SPATA6: variants seen among roughly 807,000 people sequenced by gnomAD.
The protein encoded by SPATA6 is spermatogenesis-associated protein 6.
Under a neutral mutation model 65.3 loss-of-function variants are expected in SPATA6, and 56 were observed. That is an observed-to-expected ratio of 0.86 (90% confidence interval 0.69 to 1.07). The LOEUF is 1.07. Among genes scored for constraint, SPATA6 ranks in the 50% least tolerant of loss-of-function variants. The pLI is 0.00. For synonymous variants in SPATA6, 199 were observed against 213.2 expected (o/e 0.93, Z 0.58); for missense variants, 590 against 594.8 (o/e 0.99, Z 0.08).
intron 3 of SPATA6, among the ~76,000 whole-genome samples, chr1:48,441,649 C>T (rs1205171000): frequency 3.3e-5 from 5 of 151,920 alleles, no homozygotes; most frequent in Non-Finnish European, 7.4e-5. Flanking sequence ...TTACACGTCA[C>T]AGAGAGGGCA....
At chr1:48,301,183 T>G (rs1448212824) in intron 12 of SPATA6, among the ~76,000 whole-genome samples, 1 of 151,928 alleles carries the variant, frequency 6.6e-6, no homozygotes, top group African/African-American at 2.4e-5. Flanking sequence ...ACACATTTAG[T>G]AAGGTTGCAA....
downstream of SPATA6, among the ~76,000 whole-genome samples, chr1:48,291,884 C>T (rs1022595135): frequency 6.6e-6 from 1 of 152,178 alleles, no homozygotes; most frequent in African/African-American, 2.4e-5. Context: ...TCCTAGCCAC[C>T]ATTTTCCCCC....
the SPATA6 span, among the ~76,000 whole-genome samples, chr1:48,277,050 T>C: frequency 9.3e-5 from 14 of 150,164 alleles, no homozygotes; most frequent in African/African-American, 2.9e-4. Context: ...TTAACTCTTC[T>C]TGTTGCATTG....
the SPATA6 span, among the ~76,000 whole-genome samples, chr1:48,282,864 C>T: frequency 7.9e-5 from 12 of 152,110 alleles, no homozygotes; most frequent in Non-Finnish European, 1.5e-4. Flanking sequence ...AATCATGCTG[C>T]TATAAAGACA....
At chr1:48,431,371 TAAGA>T (rs1654388031) in intron 3 of SPATA6, among the ~76,000 whole-genome samples, 1 of 151,942 alleles carries the variant, frequency 6.6e-6, no homozygotes, top group Non-Finnish European at 1.5e-5. Context: ...ACACAGAAGT[TAAGA>T]AAGAAAACAG....
At chr1:48,415,709 T>G (rs140523282) in intron 3 of SPATA6, among the ~76,000 whole-genome samples, 229 of 139,186 alleles carry the variant, frequency 1.6e-3, no homozygotes, top group Non-Finnish European at 2.8e-3. Flanking sequence ...TAAATACACG[T>G]GATGAGAATA....
chr1:48,306,753 A>C (rs993944835), intron 11 of SPATA6, among the ~76,000 whole-genome samples: 1 of 151,954 alleles, frequency 6.6e-6, no homozygotes, highest in Non-Finnish European at 1.5e-5. Flanking sequence ...AAATTTGCTG[A>C]TGGCATGAAA....
intron 3 of SPATA6, among the ~76,000 whole-genome samples, chr1:48,441,280 G>A: frequency 6.6e-6 from 1 of 152,192 alleles, no homozygotes; most frequent in East Asian, 1.9e-4. Context: ...ACTTCCTGCT[G>A]GACACTGGCA....
chr1:48,366,391 C>A (rs530745153), intron 9 of SPATA6, among the ~76,000 whole-genome samples: 6 of 152,242 alleles, frequency 3.9e-5, no homozygotes, highest in African/African-American at 1.4e-4. Flanking sequence ...CCTCCTTGTA[C>A]CTCTGGTAGA....
At chr1:48,282,246 G>A in the SPATA6 span, among the ~76,000 whole-genome samples, 2 of 152,100 alleles carry the variant, frequency 1.3e-5, no homozygotes, top group Non-Finnish European at 2.9e-5. Context: ...AGAAAACCTA[G>A]GCATTACCAT....
At chr1:48,425,798 A>AT (rs1430393676) in intron 3 of SPATA6, among the ~76,000 whole-genome samples, 2 of 152,164 alleles carry the variant, frequency 1.3e-5, no homozygotes, top group African/African-American at 4.8e-5. Context: ...TTTATACTAT[A>AT]TATAAAAATT....
intron 10 of SPATA6, among the ~76,000 whole-genome samples, chr1:48,356,055 T>A (rs1646651011): frequency 1.3e-5 from 2 of 152,070 alleles, no homozygotes; most frequent in African/African-American, 4.8e-5. Context: ...TGTGAAAAAA[T>A]TCCTTTCTGC....
chr1:48,285,521 G>A, the SPATA6 span, among the ~76,000 whole-genome samples: 1 of 150,342 alleles, frequency 6.7e-6, no homozygotes, highest in Non-Finnish European at 1.5e-5. Context: ...CTCGGTGTCT[G>A]CCCAAATGGC....
chr1:48,457,695 A>G (rs780371812), intron 1 of SPATA6, among the ~76,000 whole-genome samples: 17 of 152,180 alleles, frequency 1.1e-4, no homozygotes, highest in Non-Finnish European at 2.5e-4. Context: ...TTCCCAAATA[A>G]ACAAATGAGA....
chr1:48,313,327 C>T (rs1367185186), intron 11 of SPATA6, among the ~76,000 whole-genome samples: 1 of 152,198 alleles, frequency 6.6e-6, no homozygotes, highest in South Asian at 2.1e-4. Context: ...GGAGGCCCAT[C>T]AGACTAACAG....
In SPATA6 at chr1:48,451,551, C is replaced by A. The variant is rs764237312; in HGVS notation, c.238+1G>T. 1.9e-6 allele frequency: 3 copies of A among 1,608,024 alleles called. No individual in the cohort carries two copies. The highest frequency in any genetic ancestry group is 2.5e-6 in the Non-Finnish European group (3 of 1,177,634). On this transcript the variant is annotated splice_donor_variant, in intron 3 of 12. Transcript: ENST00000371847. LOFTEE classifies it high-confidence loss of function. ...AGGAATTAAAAAGTTAAAAAACTTA[C>A]ATTCAAGCTGTGTAACCACATCTCC...
chr1:48,388,760 G>A (rs1348358338), intron 8 of SPATA6, among the ~76,000 whole-genome samples: 1 of 151,742 alleles, frequency 6.6e-6, no homozygotes, highest in African/African-American at 2.4e-5. Context: ...CCAGGCTGGA[G>A]TGCAGTGGCA....
intron 3 of SPATA6, among the ~76,000 whole-genome samples, chr1:48,444,877 T>C (rs1317839764): frequency 6.6e-6 from 1 of 152,206 alleles, no homozygotes; most frequent in African/African-American, 2.4e-5. Context: ...TCAGAATCAT[T>C]TGATCTGGGG....
At chr1:48,301,218 C>T (rs573628784) in intron 12 of SPATA6, among the ~76,000 whole-genome samples, 3 of 151,378 alleles carry the variant, frequency 2.0e-5, no homozygotes, top group East Asian at 1.9e-4. Context: ...ATGCAATAAT[C>T]AACATTTCTA....
Sources: allele counts gnomAD v4.1 joint callset (sites outside exome capture counted in the v4.1 genomes callset), GRCh38; gene constraint gnomAD v4.1.1; transcripts MANE v1.5; gene names NCBI Gene and HGNC (gene_info 2026-07-23, HGNC 2026-07-21).